Variants in SYN2 observed in about 807,000 individuals in gnomAD.
SYN2 encodes synapsin II.
A neutral mutation model predicts 50.9 loss-of-function variants in SYN2; 19 were observed. That is an observed-to-expected ratio of 0.37 (90% confidence interval 0.26 to 0.55). The LOEUF (loss-of-function observed/expected upper bound fraction) is 0.55. Ranked by LOEUF, SYN2 falls within the 20% of genes least tolerant of loss-of-function variation. The pLI is 0.81. For synonymous variants in SYN2, 255 were observed against 224.9 expected, an observed-to-expected ratio of 1.13 and a Z score of -1.20; for missense variants, 587 against 576.4, an observed-to-expected ratio of 1.02 and a Z score of -0.19.
chr3:12,162,942 AC>A, intron 7 of SYN2, among the ~76,000 whole-genome samples: 1 of 152,322 alleles, frequency 6.6e-6, no homozygotes, highest in Non-Finnish European at 1.5e-5. Flanking sequence ...TTAATCCCCC[AC>A]TTAAAGTTTA....
intron 1 of SYN2, among the ~76,000 whole-genome samples, chr3:12,118,373 G>C (rs903823881): frequency 6.6e-6 from 1 of 152,092 alleles, no homozygotes; most frequent in Admixed American, 6.6e-5. Context: ...AACCAGCCTG[G>C]GTAACATAGC....
At chr3:12,066,158 G>A (rs1481487802) in intron 1 of SYN2, among the ~76,000 whole-genome samples, 1 of 152,096 alleles carries the variant, frequency 6.6e-6, no homozygotes, top group Non-Finnish European at 1.5e-5. Flanking sequence ...TTAAAACTAA[G>A]GAAATCTGGA....
intron 8 of SYN2, among the ~76,000 whole-genome samples, chr3:12,168,044 G>A (rs1194907495): frequency 1.3e-5 from 2 of 152,172 alleles, no homozygotes; most frequent in Non-Finnish European, 2.9e-5. Context: ...AAGTGGTCAA[G>A]AAGTAGCATG....
At chr3:12,157,793 G>A (rs1697501939) in intron 5 of SYN2, among the ~76,000 whole-genome samples, 3 of 152,220 alleles carry the variant, frequency 2.0e-5, no homozygotes, top group Admixed American at 2.0e-4. Context: ...GTAGGAGTCA[G>A]AGTAGAGAAG....
At chr3:12,067,216 T>G (rs1390799367) in intron 1 of SYN2, among the ~76,000 whole-genome samples, 1 of 152,086 alleles carries the variant, frequency 6.6e-6, no homozygotes, top group Admixed American at 6.5e-5. Flanking sequence ...AAAAGACAAA[T>G]GCAGATTTTA....
At chr3:12,084,736 T>C (rs1205148677) in intron 1 of SYN2, among the ~76,000 whole-genome samples, 1 of 152,174 alleles carries the variant, frequency 6.6e-6, no homozygotes, top group Non-Finnish European at 1.5e-5. Flanking sequence ...TAAAAAGATG[T>C]TAGATGTGAT....
chr3:12,072,457 T>C (rs2125169263), intron 1 of SYN2, among the ~76,000 whole-genome samples: 1 of 152,368 alleles, frequency 6.6e-6, no homozygotes, highest in South Asian at 2.1e-4. Flanking sequence ...TAGATTTAGC[T>C]CTTACATTTA....
intron 1 of SYN2, among the ~76,000 whole-genome samples, chr3:12,059,731 G>T (rs2125161301): frequency 6.6e-6 from 1 of 152,068 alleles, no homozygotes; most frequent in Non-Finnish European, 1.5e-5. Flanking sequence ...TTACTTCTCA[G>T]GGCTAGCTAG....
At chr3:12,106,267 C>T (rs1035173583) in intron 1 of SYN2, among the ~76,000 whole-genome samples, 3 of 152,190 alleles carry the variant, frequency 2.0e-5, no homozygotes, top group African/African-American at 7.2e-5. Context: ...ATCTCTTCCT[C>T]TTCCGTCTCC....
At chr3:12,142,422 C>T (rs2125217269) in intron 3 of SYN2, among the ~76,000 whole-genome samples, 1 of 152,246 alleles carries the variant, frequency 6.6e-6, no homozygotes, top group South Asian at 2.1e-4. Context: ...CTTAGATTCC[C>T]CTAGTGAGTT....
chr3:12,025,322 A>G (rs1359401225), intron 1 of SYN2, among the ~76,000 whole-genome samples: 2 of 152,232 alleles, frequency 1.3e-5, no homozygotes, highest in Non-Finnish European at 2.9e-5. Context: ...TATTGTCAGT[A>G]TTTTAAATTT....
Position 12,019,222 on chromosome 3 carries a change from A to G in SYN2, c.377+14294A>G, listed in dbSNP as rs185677246. Among the ~76,000 whole-genome samples, 4 of 152,342 alleles carry G rather than the reference A, an allele frequency of 2.6e-5. No individual in the cohort carries two copies. The East Asian group carries it at 5.8e-4, about 22-fold the overall frequency. ...GAGGGAATTTTGGTGGTTGGAGACT[A>G]CAAGACTGAAAATGTGAAATCAGCA... On this transcript the variant is annotated intron_variant, in intron 1 of 12. Coordinates refer to ENST00000621198, the MANE Select transcript of SYN2 (RefSeq NM_133625.6).
At chr3:12,108,884 TAAAA>T (rs1352778967) in intron 1 of SYN2, among the ~76,000 whole-genome samples, 3 of 151,692 alleles carry the variant, frequency 2.0e-5, no homozygotes, top group East Asian at 1.9e-4. Flanking sequence ...ATCATCTGCT[TAAAA>T]GAGAGGGAAG....
At chr3:12,184,119 A>C (rs1198241364) in intron 11 of SYN2, 7 of 985,956 alleles carry the variant, frequency 7.1e-6, no homozygotes, top group Non-Finnish European at 8.4e-6. Context: ...TAGTGATGAC[A>C]TGAAATACAA....
intron 8 of SYN2, among the ~76,000 whole-genome samples, chr3:12,168,106 A>G (rs1323746051): frequency 6.6e-6 from 1 of 152,238 alleles, no homozygotes; most frequent in Non-Finnish European, 1.5e-5. Flanking sequence ...AGAAGCTCCA[A>G]GAAAGGAGTA....
chr3:12,091,489 A>T (rs549563932), intron 1 of SYN2, among the ~76,000 whole-genome samples: 3 of 152,314 alleles, frequency 2.0e-5, no homozygotes, highest in African/African-American at 7.2e-5. Context: ...AAAAGGTAAC[A>T]GATCCTCACA....
At position 12,158,784 on chromosome 3, in the gene SYN2, C is replaced by T. The variant is rs150776929; in HGVS notation, c.775-2762C>T. On this transcript the variant is annotated intron_variant, in intron 5 of 12. Transcript: ENST00000621198. The stretch of plus-strand genomic sequence containing the variant: ...CACCCAGCCCCGGGGGCCGCAGCAA[C>T]GCCAGCAGCCGCAGCAACAGCACCC... 210 of 1,603,144 alleles carry T rather than the reference C, an allele frequency of 1.3e-4. No individual in the cohort carries two copies. In the African/African-American group the frequency reaches 2.1e-3, roughly 16 times the overall value.
intron 10 of SYN2, 145 bp from the exon 11 acceptor site, chr3:12,183,167 C>A: frequency 1.7e-6 from 2 of 1,154,480 alleles, no homozygotes; most frequent in Non-Finnish European, 2.4e-6. Flanking sequence ...GTTTCTGGAG[C>A]AGCAGAAGCC....
intron 1 of SYN2, among the ~76,000 whole-genome samples, chr3:12,020,164 T>G (rs1332454995): frequency 6.6e-6 from 1 of 152,212 alleles, no homozygotes; most frequent in Non-Finnish European, 1.5e-5. Context: ...GAAAGAGGAT[T>G]TTCACTCCAG....
Sources: gnomAD v4.1 joint callset for allele counts (sites outside exome capture counted in the v4.1 genomes callset) on GRCh38, gnomAD v4.1.1 for gene constraint, MANE v1.5 for transcripts, NCBI Gene and HGNC (gene_info 2026-07-23, HGNC 2026-07-21) for gene names.